The following CHST8 variants were observed in gnomAD, a reference collection of about 807,000 sequenced individuals.
CHST8 encodes the protein GALNAC-4-ST1.
A neutral mutation model predicts 15.0 loss-of-function variants in CHST8; 10 were observed. The observed-to-expected ratio is 0.67, with a 90% confidence interval of 0.41 to 1.13. The LOEUF (loss-of-function observed/expected upper bound fraction) is 1.13, where lower values mean the gene tolerates loss of function less well. Ranked by LOEUF, CHST8 falls within the 50% of genes most tolerant of loss-of-function variation. CHST8 has a pLI of 0.00. For missense variants in CHST8, 634 were observed against 608.2 expected (o/e 1.04, Z -0.45); for synonymous variants, 259 against 256.6 (o/e 1.01, Z -0.09).
intron 2 of CHST8, among the ~76,000 whole-genome samples, chr19:33,681,195 G>A (rs111922314): frequency 6.6e-6 from 1 of 152,200 alleles, no homozygotes; most frequent in Admixed American, 6.5e-5. Context: ...TCCCAGCTGG[G>A]CTCAGTGGAG....
chr19:33,634,013 T>C (rs1296525590), intron 1 of CHST8, among the ~76,000 whole-genome samples: 1 of 151,902 alleles, frequency 6.6e-6, no homozygotes, highest in Non-Finnish European at 1.5e-5. Context: ...AGAGACAGGG[T>C]TTCCCCATGT....
chr19:33,642,953 G>A (rs1044827652), intron 1 of CHST8, among the ~76,000 whole-genome samples: 14 of 152,034 alleles, frequency 9.2e-5, no homozygotes, highest in Admixed American at 7.2e-4. Context: ...ACACCTACAC[G>A]GCATCCCTTT....
At chr19:33,663,680 G>A (rs1568319154) in intron 1 of CHST8, among the ~76,000 whole-genome samples, 1 of 152,096 alleles carries the variant, frequency 6.6e-6, no homozygotes, top group Non-Finnish European at 1.5e-5. Context: ...AGACCATCCT[G>A]GCCAACATGG....
intron 1 of CHST8, among the ~76,000 whole-genome samples, chr19:33,635,453 G>A (rs1471720642): frequency 6.6e-6 from 1 of 152,084 alleles, no homozygotes; most frequent in Admixed American, 6.5e-5. Flanking sequence ...AGGGAGGGAG[G>A]GCAAGGGATC....
intron 1 of CHST8, among the ~76,000 whole-genome samples, chr19:33,628,657 T>C (rs540688928): frequency 2.0e-5 from 3 of 152,332 alleles, no homozygotes; most frequent in African/African-American, 7.2e-5. Context: ...GCAGGCACTG[T>C]AACACTGGTT....
At chr19:33,627,521 T>C (rs1972071320) in intron 1 of CHST8, among the ~76,000 whole-genome samples, 2 of 152,198 alleles carry the variant, frequency 1.3e-5, no homozygotes, top group Admixed American at 1.3e-4. Context: ...ACAGCTGTCC[T>C]CCCAGGTTGG....
At position 33,689,380 on chromosome 19, in the gene CHST8, A is replaced by T. The variant is rs757133820; in HGVS notation, c.119A>T (p.Gln40Leu). The change falls in exon 3 of 5, where the codon CAG becomes CTG. Residue 40 changes from glutamine to leucine, a missense_variant. Physicochemically the swap from Gln to Leu is moderately radical, Grantham distance 113 (BLOSUM62 -2). Transcript: ENST00000650847. The part of the protein sequence containing the change: ...SLQDPTELAP[Q>L]QVPGIKFNIR... Reference sequence around the variant, plus strand: ...CAGGACCCTACGGAGCTCGCCCCCCAGCAGGTGCCAGGTGAGTCCTTGCGC... The same window carrying T: ...CAGGACCCTACGGAGCTCGCCCCCCTGCAGGTGCCAGGTGAGTCCTTGCGC... The T allele has an allele frequency of 6.3e-7, 1 of 1,595,906 alleles. No individual in the cohort carries two copies. Among genetic ancestry groups the T allele is most frequent in the Admixed American group, 1.7e-5 (1 of 58,082 alleles).
At chr19:33,666,614 A>T (rs1372674804) in intron 1 of CHST8, among the ~76,000 whole-genome samples, 1 of 152,212 alleles carries the variant, frequency 6.6e-6, no homozygotes, top group East Asian at 1.9e-4. Flanking sequence ...AGGGGTATTG[A>T]TGGCATGACC....
chr19:33,644,907 G>T (rs1972330300), intron 1 of CHST8, among the ~76,000 whole-genome samples: 1 of 152,156 alleles, frequency 6.6e-6, no homozygotes, highest in African/African-American at 2.4e-5. Context: ...GGAAGATGTG[G>T]ACCATACAGA....
chr19:33,639,997 G>A (rs1387638046), intron 1 of CHST8, among the ~76,000 whole-genome samples: 1 of 151,996 alleles, frequency 6.6e-6, no homozygotes, highest in East Asian at 1.9e-4. Flanking sequence ...GCGCCACCAT[G>A]CCTGGCTAAT....
At chr19:33,658,627 A>G (rs561373610) in intron 1 of CHST8, among the ~76,000 whole-genome samples, 21 of 152,230 alleles carry the variant, frequency 1.4e-4, no homozygotes, top group African/African-American at 5.1e-4. Flanking sequence ...TCTTGATGCC[A>G]GAATGTTTAC....
At chr19:33,637,514 T>C (rs1457395715) in intron 1 of CHST8, among the ~76,000 whole-genome samples, 5 of 151,232 alleles carry the variant, frequency 3.3e-5, no homozygotes, top group Admixed American at 6.6e-5. Context: ...GCCATTCTCC[T>C]GCCTCAGCCT....
intron 2 of CHST8, among the ~76,000 whole-genome samples, chr19:33,682,014 C>CCTGGCTAATT (rs1972897921): frequency 1.3e-5 from 2 of 151,934 alleles, no homozygotes; most frequent in South Asian, 4.2e-4. Flanking sequence ...TGCCACCATG[C>CCTGGCTAATT]CTGGCTAATT....
chr19:33,643,803 C>T (rs1294411540), intron 1 of CHST8, among the ~76,000 whole-genome samples: 5 of 152,164 alleles, frequency 3.3e-5, no homozygotes, highest in Middle Eastern at 6.8e-3. Context: ...GGATGTAGGG[C>T]GTCACATTTC....
At position 33,642,562 on chromosome 19, in the gene CHST8, C is replaced by T. The variant is rs535125338; in HGVS notation, c.-164+20266C>T. On this transcript the variant is annotated intron_variant, in intron 1 of 4. Transcript: ENST00000650847. ...ATTTTTAGTGGAGATGGGGTTTCAC[C>T]ATGTTGGCCAGGCTGGTCTTGAACT... Among the ~76,000 whole-genome samples the T allele has an allele frequency of 4.6e-5, 7 of 152,212 alleles. No homozygotes were observed. In the East Asian group the frequency reaches 1.2e-3, roughly 25 times the overall value.
chr19:33,666,414 G>A (rs1463204292), intron 1 of CHST8, among the ~76,000 whole-genome samples: 1 of 152,204 alleles, frequency 6.6e-6, no homozygotes, highest in Non-Finnish European at 1.5e-5. Context: ...CGTTTCTAGA[G>A]TCACAGTGAT....
chr19:33,642,162 C>T (rs117904872), intron 1 of CHST8, among the ~76,000 whole-genome samples: 2 of 152,116 alleles, frequency 1.3e-5, no homozygotes, highest in South Asian at 4.2e-4. Flanking sequence ...TCTGGGACAT[C>T]CCTGTCTGCT....
chr19:33,751,947 C>A (rs935659832), intron 3 of CHST8, among the ~76,000 whole-genome samples: 1 of 152,150 alleles, frequency 6.6e-6, no homozygotes, highest in Non-Finnish European at 1.5e-5. Flanking sequence ...GGTCAGGGAT[C>A]GGGGTAGCAG....
intron 3 of CHST8, among the ~76,000 whole-genome samples, chr19:33,745,861 G>T (rs1203900873): frequency 6.6e-6 from 1 of 152,170 alleles, no homozygotes; most frequent in Non-Finnish European, 1.5e-5. Context: ...AAGCTGCAGG[G>T]CTGTGATTTC....
Sources: allele counts gnomAD v4.1 joint callset (sites outside exome capture counted in the v4.1 genomes callset), GRCh38; gene constraint gnomAD v4.1.1; transcripts MANE v1.5; gene names NCBI Gene and HGNC (gene_info 2026-07-23, HGNC 2026-07-21).